The following MAN2C1 variants were observed in gnomAD, a reference collection of about 807,000 sequenced individuals.
The protein encoded by MAN2C1 is mannosidase alpha class 2C member 1, also known as alpha-mannosidase 2C1.
A neutral mutation model predicts 126.9 loss-of-function variants in MAN2C1; 111 were observed. The ratio of observed to expected loss-of-function variants is 0.87; its 90% CI spans 0.75 to 1.02. MAN2C1 has a LOEUF of 1.02. Ranked by LOEUF, MAN2C1 falls within the 50% of genes least tolerant of loss-of-function variation. The probability of loss-of-function intolerance (pLI) is 0.00; values close to 1 mark genes in which losing one functional copy is unlikely to be tolerated. For missense variants in MAN2C1, 1,363 were observed against 1,364.4 expected (o/e 1.00, Z 0.02); for synonymous variants, 567 against 561.5 (o/e 1.01, Z -0.14).
intron 14 of MAN2C1, 39 bp downstream of exon 14, chr15:75,360,050 TG>T (rs759148902): frequency 6.2e-7 from 1 of 1,613,942 alleles, no homozygotes; most frequent in Non-Finnish European, 8.5e-7. Context: ...GTAACTGCAG[TG>T]AGCAGTCAGG....
At chr15:75,367,350 C>T (rs990130252) in intron 3 of MAN2C1, among the ~76,000 whole-genome samples, 161 bp downstream of exon 3, 2 of 152,190 alleles carry the variant, frequency 1.3e-5, no homozygotes, top group Admixed American at 6.5e-5. Context: ...GGACCAATTG[C>T]ACAGATGCCC....
rs931089984 is a variant in MAN2C1, at chr15:75,362,128, C to T, written c.1009-181G>A. On this transcript the variant is annotated intron_variant, in intron 8 of 25. Transcript: ENST00000267978. This position sits in a 1 kb window ranked among gnomAD's most constrained non-coding sequence, Gnocchi z 4.5. ...ACTGTCCATCTGCCTGAGGGGGTGC[C>T]CAGGACTAGGCCATGCAACTTGTCA... 9 of 662,444 alleles carry T rather than the reference C, an allele frequency of 1.4e-5. No individual in the cohort carries two copies. The Middle Eastern group carries it at 1.2e-3, about 87-fold the overall frequency. The allele number at this position is 662,444 out of a possible 1,614,324, so 41.0% of individuals were successfully genotyped here.
intron 5 of MAN2C1, 65 bp from the exon 6 acceptor site, chr15:75,364,253 ATCTCAGGGC>A (rs1192511612): frequency 2.2e-5 from 33 of 1,503,632 alleles, no homozygotes; most frequent in Non-Finnish European, 2.9e-5. Context: ...GGCTCCACTG[ATCTCAGGGC>A]TCTCAGCAGA....
rs765749194 is a variant in MAN2C1 at position 75,362,613 on chromosome 15, C to T, written c.897+29G>A. The T allele has an allele frequency of 1.2e-6, 2 of 1,607,672 alleles. No individual in the cohort carries two copies. The highest frequency in any genetic ancestry group is 8.5e-7 in the Non-Finnish European group (1 of 1,174,672). Reference sequence around the variant, plus strand: ...GAGCTCCAGGGAGGGCCACGTGCTTCCCTCCTCCCTCACAGCTGTCCCTCT... The same window carrying T: ...GAGCTCCAGGGAGGGCCACGTGCTTTCCTCCTCCCTCACAGCTGTCCCTCT... On this transcript the variant is annotated intron_variant, in intron 7 of 25. Transcript: ENST00000267978. The surrounding 1 kb of genome is among the most constrained non-coding windows in gnomAD (Gnocchi z 4.5).
chr15:75,360,370 C>T (rs1000139237), intron 13 of MAN2C1, 159 bp from the exon 14 acceptor site: 14 of 1,306,656 alleles, frequency 1.1e-5, no homozygotes, highest in Admixed American at 9.1e-5. Flanking sequence ...CTCTTCTCCC[C>T]GCAGCCCAAA....
intron 2 of MAN2C1, 144 bp from the exon 3 acceptor site, chr15:75,367,778 C>T: frequency 9.1e-7 from 1 of 1,095,414 alleles, no homozygotes; most frequent in East Asian, 2.5e-5. Context: ...AAGAAAGGAG[C>T]AACAAGGTGA....
intron 6 of MAN2C1, 57 bp downstream of exon 6, chr15:75,363,942 C>A: frequency 6.3e-7 from 1 of 1,584,500 alleles, no homozygotes; most frequent in Non-Finnish European, 8.6e-7. Flanking sequence ...TAGGGCACAT[C>A]CAGGTCTTCA....
rs1002747705 is a variant in MAN2C1 at position 75,364,907 on chromosome 15, C to T, written c.423-242G>A. On this transcript the variant is annotated intron_variant, in intron 4 of 25. Coordinates refer to ENST00000267978, the MANE Select transcript of MAN2C1 (RefSeq NM_006715.4). ...GCAAAGTTTGGAACCATGTAAAGTA[C>T]GCTGCTGTTTAGTCTTATATTTCCA... 2.8e-4 allele frequency among the ~76,000 whole-genome samples: 43 copies of T among 152,240 alleles called. 1 individual carries two copies. The highest frequency in any genetic ancestry group is 9.7e-4 in the African/African-American group (40 of 41,446).
chr15:75,356,291 C>G lies in MAN2C1; in HGVS notation c.2886+10G>C. The G allele has an allele frequency of 6.2e-7, 1 of 1,612,080 alleles. No individual in the cohort carries two copies. Among genetic ancestry groups the G allele is most frequent in the Non-Finnish European group, 8.5e-7 (1 of 1,179,258 alleles). ...TCGGAACCCCGTCCCCAGCACGTCCCACCCCTTGCCTGCTTGACGGTCTCC... is the reference window on the plus strand; with the variant it reads ...TCGGAACCCCGTCCCCAGCACGTCCGACCCCTTGCCTGCTTGACGGTCTCC... On this transcript the variant is annotated intron_variant, in intron 24 of 25. Transcript: ENST00000267978. The surrounding 1 kb of genome is among the most constrained non-coding windows in gnomAD (Gnocchi z 5.8).
intron 4 of MAN2C1, among the ~76,000 whole-genome samples, 171 bp downstream of exon 4, chr15:75,366,351 T>C (rs1300456871): frequency 6.6e-6 from 1 of 152,214 alleles, no homozygotes; most frequent in African/African-American, 2.4e-5. Context: ...ACCCAGCCCA[T>C]TATTTTTATG....
Position 75,362,138 on chromosome 15 carries a change from G to T in MAN2C1, c.1009-191C>A, listed in dbSNP as rs990867186. ...TGCCTGAGGGGGTGCCCAGGACTAG[G>T]CCATGCAACTTGTCACAGCGCTGGA... On this transcript the variant is annotated intron_variant, in intron 8 of 25. Coordinates refer to ENST00000267978, the MANE Select transcript of MAN2C1 (RefSeq NM_006715.4). This position sits in a 1 kb window ranked among gnomAD's most constrained non-coding sequence, Gnocchi z 4.5. 1.5e-6 allele frequency: 1 copy of T among 659,626 alleles called. No homozygotes were observed. Among genetic ancestry groups the T allele is most frequent in the Non-Finnish European group, 2.6e-6 (1 of 378,232 alleles). The allele number at this position is 659,626 out of a possible 1,614,324, so 40.9% of individuals were successfully genotyped here. A position where few individuals can be genotyped will look rare whatever the true frequency, so the allele number is the denominator to read the frequency against.
At chr15:75,367,302 T>C (rs1334241753) in intron 3 of MAN2C1, among the ~76,000 whole-genome samples, 1 of 152,164 alleles carries the variant, frequency 6.6e-6, no homozygotes, top group Non-Finnish European at 1.5e-5. Flanking sequence ...GTTTGAAATG[T>C]TTTCCTATAA....
At position 75,367,749 on chromosome 15, in the gene MAN2C1, G is replaced by A. The variant is rs999941434; in HGVS notation, c.228-115C>T. ...CTCCAAGCATCTGCAGTGTCACAAG[G>A]TACTCAGCTTTGAGTCACAAGAAAG... On this transcript the variant is annotated intron_variant, in intron 2 of 25. Coordinates refer to ENST00000267978, the MANE Select transcript of MAN2C1 (RefSeq NM_006715.4). 5 of 1,351,086 alleles carry A rather than the reference G, an allele frequency of 3.7e-6. No individual in the cohort carries two copies. The African/African-American group carries it at 7.3e-5, about 20-fold the overall frequency. The allele number at this position is 1,351,086 out of a possible 1,614,324, so 83.7% of individuals were successfully genotyped here.
chr15:75,363,065 G>A, intron 6 of MAN2C1: 1 of 410,360 alleles, frequency 2.4e-6, no homozygotes, highest in Non-Finnish European at 4.7e-6. Flanking sequence ...GGACTACCCT[G>A]CCCCTGCACA....
In MAN2C1 at chr15:75,356,187, GACC is replaced by G. The variant is rs771585209; in HGVS notation, c.2916_2918del (p.Val973del). ...TGCCGTGGGCCTCATACAGCCTCAGGACCAGCGAGCGGCGCTGGGGGCTGCTCT... is the reference window on the plus strand; with the variant it reads ...TGCCGTGGGCCTCATACAGCCTCAGGAGCGAGCGGCGCTGGGGGCTGCTCT... On this transcript the variant is annotated inframe_deletion, in exon 25 of 26. Transcript: ENST00000267978. This position sits in a 1 kb window ranked among gnomAD's most constrained non-coding sequence, Gnocchi z 5.8. 1 of 1,613,500 alleles carries G rather than the reference GACC, an allele frequency of 6.2e-7. No individual in the cohort carries two copies. Among genetic ancestry groups the G allele is most frequent in the Admixed American group, 1.7e-5 (1 of 60,002 alleles).
In MAN2C1 at chr15:75,367,623, C is replaced by G; in HGVS notation, c.239G>C (p.Cys80Ser). ...GDSFGPTWWT[C>S]WFRVELTIPE... is the part of the protein sequence containing the mutation. ...GATGGTCAGCTCCACCCGGAACCAG[C>G]AGGTCCACCATCTGCAAGAGAGCTG... The change falls in exon 3 of 26, where the codon TGC (cysteine) becomes TCC (serine). Residue 80 changes from cysteine to serine, a missense_variant. This residue lies in a region of MAN2C1 where 628 missense variants were observed against 609.8 expected (regional missense o/e 1.03). Coordinates refer to ENST00000267978, the MANE Select transcript of MAN2C1 (RefSeq NM_006715.4). 2 of 1,614,162 alleles carry G rather than the reference C, an allele frequency of 1.2e-6. No homozygotes were observed. The highest frequency in any genetic ancestry group is 1.1e-5 in the South Asian group (1 of 91,088).
At chr15:75,367,986 G>C (rs1306345806) in intron 2 of MAN2C1, 87 bp downstream of exon 2, 15 of 1,464,546 alleles carry the variant, frequency 1.0e-5, no homozygotes, top group Non-Finnish European at 1.3e-5. Context: ...GTCTACGGCA[G>C]AGGGCAGACA....
In MAN2C1 at chr15:75,358,747, A is replaced by C; in HGVS notation, c.2203T>G (p.Tyr735Asp). ...TCCATGACGTCCCATGCATCCCAGT[A>C]CAAGGGGACATCATCAAATAGCACA... ...QFVLFDDVPLYWDAWDVMDYH... is the reference protein window; with the variant it reads ...QFVLFDDVPLDWDAWDVMDYH... The change falls in exon 19 of 26, where the codon TAC becomes GAC. Residue 735 changes from tyrosine to aspartate, a missense_variant. By Grantham distance (160) the Tyr-to-Asp change is radical (BLOSUM62 -3). This residue lies in a region of MAN2C1 where 668 missense variants were observed against 650.1 expected (regional missense o/e 1.03). Transcript: ENST00000267978. 2 of 1,613,518 alleles carry C rather than the reference A, an allele frequency of 1.2e-6. No homozygotes were observed. Among genetic ancestry groups the C allele is most frequent in the Admixed American group, 3.3e-5 (2 of 59,960 alleles).
chr15:75,361,408 CAG>C lies in MAN2C1; in HGVS notation c.1219-29_1219-28del, dbSNP rs2072466534. The C allele has an allele frequency of 2.6e-6, 4 of 1,514,670 alleles. No individual in the cohort carries two copies. The highest frequency in any genetic ancestry group is 4.8e-5 in the East Asian group (2 of 41,978). The allele number at this position is 1,514,670 out of a possible 1,614,324, so 93.8% of individuals were successfully genotyped here. On this transcript the variant is annotated intron_variant, in intron 10 of 25. Coordinates refer to ENST00000267978, the MANE Select transcript of MAN2C1 (RefSeq NM_006715.4). The surrounding 1 kb of genome is among the most constrained non-coding windows in gnomAD (Gnocchi z 5.0). ...TACCAGCAGGGAAACAGAAGCAGGG[CAG>C]AGAGGCCAGAGTCAGGGCTGAGGCA...
Sources: gnomAD v4.1 joint callset for allele counts (sites outside exome capture counted in the v4.1 genomes callset) on GRCh38, gnomAD v4.1.1 for gene constraint, gnomAD v4.1.1 regional missense constraint, Gnocchi (gnomAD v3.1) non-coding constraint, MANE v1.5 for transcripts, NCBI Gene and HGNC (gene_info 2026-07-23, HGNC 2026-07-21) for gene names.